AUTS2: variants seen among roughly 807,000 people sequenced by gnomAD.
AUTS2 encodes activator of transcription and developmental regulator AUTS2.
AUTS2 carries 17 observed loss-of-function variants against 112.4 expected under a neutral mutation model. The ratio of observed to expected loss-of-function variants is 0.15; its 90% CI spans 0.10 to 0.23. The LOEUF (loss-of-function observed/expected upper bound fraction) is 0.23, where lower values mean the gene tolerates loss of function less well. AUTS2 is among the 10% of genes least tolerant of loss of function. The probability of loss-of-function intolerance (pLI) is 1.00; values close to 1 mark genes in which losing one functional copy is unlikely to be tolerated. For missense variants in AUTS2, 1,510 were observed against 1,701.6 expected (o/e 0.89, Z 1.98); for synonymous variants, 751 against 702.7 (o/e 1.07, Z -1.09).
intron 5 of AUTS2, among the ~76,000 whole-genome samples, chr7:70,439,409 C>T (rs556545821): frequency 3.9e-5 from 6 of 151,990 alleles, no homozygotes; most frequent in African/African-American, 9.6e-5. Flanking sequence ...CGTGGTAGCA[C>T]GTGCCTGTAG....
intron 2 of AUTS2, among the ~76,000 whole-genome samples, chr7:70,070,890 A>G (rs1802733298): frequency 6.6e-6 from 1 of 151,976 alleles, no homozygotes; most frequent in East Asian, 1.9e-4. Context: ...AAAAAAAAAA[A>G]AAAGAAAGGG....
intron 4 of AUTS2, among the ~76,000 whole-genome samples, chr7:70,357,748 G>A (rs182759479): frequency 6.6e-6 from 1 of 152,280 alleles, no homozygotes; most frequent in East Asian, 1.9e-4. Flanking sequence ...TTGAACTTGG[G>A]AATTACTGTA....
chr7:70,776,042 AG>A (rs1790667098), intron 13 of AUTS2, among the ~76,000 whole-genome samples: 1 of 152,210 alleles, frequency 6.6e-6, no homozygotes, highest in Non-Finnish European at 1.5e-5. Context: ...TGATTTCTCC[AG>A]GGGAAAAAGG....
chr7:69,642,451 G>T (rs905625744), intron 1 of AUTS2, among the ~76,000 whole-genome samples: 14 of 152,194 alleles, frequency 9.2e-5, no homozygotes, highest in African/African-American at 3.4e-4. Flanking sequence ...CATCCTAAAT[G>T]TGGGAAGAAC....
intron 1 of AUTS2, among the ~76,000 whole-genome samples, chr7:69,700,684 T>A (rs1195203068): frequency 6.6e-6 from 1 of 152,204 alleles, no homozygotes; most frequent in East Asian, 1.9e-4. Flanking sequence ...ACTAGAAAGG[T>A]TATTGAAGTG....
chr7:70,195,615 C>T (rs531661370), intron 4 of AUTS2, among the ~76,000 whole-genome samples: 1 of 152,320 alleles, frequency 6.6e-6, no homozygotes, highest in South Asian at 2.1e-4. Context: ...TGTGCCGCTG[C>T]ACTCCAGCCT....
chr7:70,346,534 A>G (rs1268673964), intron 4 of AUTS2, among the ~76,000 whole-genome samples: 1 of 152,084 alleles, frequency 6.6e-6, no homozygotes, highest in Non-Finnish European at 1.5e-5. Context: ...CTCCACCTTC[A>G]GTGTAAATTT....
In AUTS2 at chr7:70,047,436, A is replaced by G. The variant is rs185642979; in HGVS notation, c.523-70696A>G. ...TGCAGAGACACTTTCCCTATTTTTT[A>G]TGTTTTTACTGCCACTTTGCCTTTA... On this transcript the variant is annotated intron_variant, in intron 2 of 18. Coordinates refer to ENST00000342771, the MANE Select transcript of AUTS2 (RefSeq NM_015570.4). 1.7e-3 allele frequency among the ~76,000 whole-genome samples: 266 copies of G among 152,248 alleles called. 1 individual carries two copies. The highest frequency in any genetic ancestry group is 5.9e-3 in the African/African-American group (244 of 41,540).
intron 4 of AUTS2, among the ~76,000 whole-genome samples, chr7:70,238,799 A>G (rs1257020112): frequency 6.6e-6 from 1 of 152,086 alleles, no homozygotes; most frequent in Admixed American, 6.6e-5. Flanking sequence ...CTCCAGAGAA[A>G]CAAGATATGC....
intron 1 of AUTS2, among the ~76,000 whole-genome samples, chr7:69,620,245 A>G (rs976438634): frequency 6.6e-6 from 1 of 152,208 alleles, no homozygotes; most frequent in African/African-American, 2.4e-5. Flanking sequence ...GCGGAAAACG[A>G]AAGTTTATTT....
At chr7:70,435,592 A>G (rs145572382) in intron 4 of AUTS2, among the ~76,000 whole-genome samples, 160 bp from the exon 5 acceptor site, 44 of 152,304 alleles carry the variant, frequency 2.9e-4, no homozygotes, top group East Asian at 2.5e-3. Flanking sequence ...GTTTACTAGC[A>G]CTTGAACTGG....
chr7:70,129,746 A>G (rs889384549), intron 3 of AUTS2, among the ~76,000 whole-genome samples: 2 of 152,156 alleles, frequency 1.3e-5, no homozygotes, highest in African/African-American at 4.8e-5. Flanking sequence ...GTTGGTGACA[A>G]CCTGACGTGG....
chr7:69,661,015 A>C (rs928348759), intron 1 of AUTS2, among the ~76,000 whole-genome samples: 2 of 152,244 alleles, frequency 1.3e-5, no homozygotes, highest in African/African-American at 4.8e-5. Flanking sequence ...GAACGCTGAC[A>C]ATCAAAGCAG....
chr7:69,613,764 G>A (rs1269934645), intron 1 of AUTS2, among the ~76,000 whole-genome samples: 1 of 152,170 alleles, frequency 6.6e-6, no homozygotes, highest in Non-Finnish European at 1.5e-5. Flanking sequence ...CACAATAAAA[G>A]AGACCTTGTT....
intron 4 of AUTS2, among the ~76,000 whole-genome samples, chr7:70,283,866 G>T (rs1788336834): frequency 6.6e-6 from 1 of 152,094 alleles, no homozygotes; most frequent in African/African-American, 2.4e-5. Flanking sequence ...GAGGGAGGAA[G>T]GAAGAAAGGA....
At chr7:70,582,678 T>C (rs1802506607) in intron 5 of AUTS2, among the ~76,000 whole-genome samples, 1 of 152,210 alleles carries the variant, frequency 6.6e-6, no homozygotes, top group South Asian at 2.1e-4. Context: ...TGCTGTTCAT[T>C]TCCCTCTTCA....
chr7:70,115,217 G>GC (rs1805296847), intron 2 of AUTS2, among the ~76,000 whole-genome samples: 1 of 152,170 alleles, frequency 6.6e-6, no homozygotes, highest in South Asian at 2.1e-4. Context: ...CATGGAAAAG[G>GC]CCCAGGTGCA....
chr7:70,221,856 C>T (rs1329007961), intron 4 of AUTS2, among the ~76,000 whole-genome samples: 1 of 152,202 alleles, frequency 6.6e-6, no homozygotes, highest in Non-Finnish European at 1.5e-5. Flanking sequence ...CATTGCACTC[C>T]AGCCTAGGTG....
At chr7:70,514,397 G>T (rs1799329909) in intron 5 of AUTS2, among the ~76,000 whole-genome samples, 1 of 152,216 alleles carries the variant, frequency 6.6e-6, no homozygotes, top group Non-Finnish European at 1.5e-5. Flanking sequence ...ACCAGCATAT[G>T]CTTGGCTTCT....
Sources: allele counts gnomAD v4.1 joint callset (sites outside exome capture counted in the v4.1 genomes callset), GRCh38; gene constraint gnomAD v4.1.1; transcripts MANE v1.5; gene names NCBI Gene and HGNC (gene_info 2026-07-23, HGNC 2026-07-21).